DCDC2C: variants seen among roughly 807,000 people sequenced by gnomAD.
DCDC2C encodes the protein doublecortin domain containing 2C.
DCDC2C carries 44 observed loss-of-function variants against 45.0 expected under a neutral mutation model. That is an observed-to-expected ratio of 0.98 (90% CI 0.77 to 1.26). The LOEUF is 1.26. Ranked by LOEUF, DCDC2C falls within the 50% of genes most tolerant of loss-of-function variation. DCDC2C has a pLI of 0.00. For synonymous variants in DCDC2C, 187 were observed against 178.8 expected, an observed-to-expected ratio of 1.05 and a Z score of -0.37; for missense variants, 447 against 468.9, an observed-to-expected ratio of 0.95 and a Z score of 0.43.
chr2:3,725,538 A>G (rs12328224), intron 2 of DCDC2C, among the ~76,000 whole-genome samples: 3 of 132,688 alleles, frequency 2.3e-5, no homozygotes, highest in Admixed American at 7.8e-5. Flanking sequence ...AGACGAGCAG[A>G]GAGGGAGGAG....
At chr2:3,713,209 C>A (rs1349480152) in intron 2 of DCDC2C, among the ~76,000 whole-genome samples, 1 of 152,294 alleles carries the variant, frequency 6.6e-6, no homozygotes, top group Non-Finnish European at 1.5e-5. Context: ...TCAAAGACGT[C>A]ATCGTAGGAA....
At chr2:3,788,256 A>G (rs941040823) in intron 10 of DCDC2C, among the ~76,000 whole-genome samples, 1 of 152,266 alleles carries the variant, frequency 6.6e-6, no homozygotes, top group African/African-American at 2.4e-5. Flanking sequence ...TGTAAACTAC[A>G]ATCTTAAATC....
chr2:3,767,702 C>A, intron 6 of DCDC2C, 52 bp from the exon 7 acceptor site: 2 of 1,544,498 alleles, frequency 1.3e-6, no homozygotes, highest in Non-Finnish European at 1.7e-6. Context: ...TGATCGGACT[C>A]CTTGTATCCC....
At chr2:3,712,598 T>C (rs1249200203) in intron 2 of DCDC2C, among the ~76,000 whole-genome samples, 3 of 152,136 alleles carry the variant, frequency 2.0e-5, no homozygotes, top group Admixed American at 6.5e-5. Flanking sequence ...ATTGCACAAC[T>C]GCACTCCAGC....
chr2:3,832,864 A>C (rs1175801078), intron 10 of DCDC2C, among the ~76,000 whole-genome samples: 2 of 152,192 alleles, frequency 1.3e-5, no homozygotes, highest in Non-Finnish European at 2.9e-5. Context: ...TGCTTTTATT[A>C]ATTTCCAATG....
intron 2 of DCDC2C, among the ~76,000 whole-genome samples, chr2:3,721,651 C>T (rs931152364): frequency 6.6e-6 from 1 of 152,278 alleles, no homozygotes; most frequent in Non-Finnish European, 1.5e-5. Context: ...TTCCCATGTG[C>T]CGTGGGAAGA....
rs1671601965 is a variant in DCDC2C at position 3,818,260 on chromosome 2, T to C, written c.1066-28894T>C. Among the ~76,000 whole-genome samples, 1 of 152,192 alleles carries C rather than the reference T, an allele frequency of 6.6e-6. No individual in the cohort carries two copies. Among genetic ancestry groups the C allele is most frequent in the South Asian group, 2.1e-4 (1 of 4,826 alleles). On this transcript the variant is annotated intron_variant, in intron 10 of 10. Coordinates refer to ENST00000399143, the MANE Select transcript of DCDC2C (RefSeq NM_001287444.2). This position sits in a 1 kb window ranked among gnomAD's most constrained non-coding sequence, Gnocchi z 4.7. ...AGTAATGAGGGCTGTCCATGAAGCC[T>C]TGTGGCAGTACAGCCCAGGTAATTT... is the stretch of plus-strand genomic sequence containing the variant.
chr2:3,769,286 G>A, intron 7 of DCDC2C, 25 bp from the exon 8 acceptor site: 1 of 1,544,796 alleles, frequency 6.5e-7, no homozygotes, highest in Non-Finnish European at 8.8e-7. Context: ...GGTTTCAAAA[G>A]TTTGTCTGTG....
intron 10 of DCDC2C, among the ~76,000 whole-genome samples, chr2:3,835,270 G>A (rs1007541218): frequency 2.6e-5 from 4 of 152,198 alleles, no homozygotes; most frequent in African/African-American, 9.7e-5. Flanking sequence ...CACTCGTGGT[G>A]TTCTTGAGTC....
chr2:3,795,747 A>C (rs1399786776), intron 10 of DCDC2C, among the ~76,000 whole-genome samples: 2 of 119,976 alleles, frequency 1.7e-5, no homozygotes, highest in Non-Finnish European at 3.4e-5. Flanking sequence ...TGGTACCAGT[A>C]CCATGCTGTT....
At chr2:3,717,209 A>G (rs1048588123) in intron 2 of DCDC2C, among the ~76,000 whole-genome samples, 1 of 151,976 alleles carries the variant, frequency 6.6e-6, no homozygotes, top group African/African-American at 2.4e-5. Flanking sequence ...ATAATCATCC[A>G]TGTGCCAAAG....
At position 3,767,060 on chromosome 2, in the gene DCDC2C, C is replaced by T. The variant is rs536546526; in HGVS notation, c.727-694C>T. ...TCCAGGCCAACGTAAGTGTTGCGAG[C>T]GTGTTTAAGGTAGGGCTGCGCCATG... On this transcript the variant is annotated intron_variant, in intron 6 of 10. Transcript: ENST00000399143. Among the ~76,000 whole-genome samples the T allele has an allele frequency of 7.2e-5, 11 of 152,306 alleles. No homozygotes were observed. In the East Asian group the frequency reaches 9.7e-4, roughly 13 times the overall value.
chr2:3,769,848 G>A (rs1215228201), intron 8 of DCDC2C, among the ~76,000 whole-genome samples: 2 of 152,230 alleles, frequency 1.3e-5, no homozygotes, highest in Admixed American at 6.5e-5. Flanking sequence ...CAGATGGCAT[G>A]ATTATGAAAC....
At chr2:3,813,858 T>G (rs1271121975) in intron 10 of DCDC2C, among the ~76,000 whole-genome samples, 2 of 152,000 alleles carry the variant, frequency 1.3e-5, no homozygotes, top group Non-Finnish European at 2.9e-5. Context: ...GAGTCTTGAC[T>G]CTTTATCCAA....
rs1224648123 is a variant in DCDC2C, at chr2:3,752,799, A to G, written c.582A>G (p.Ser194=). The change falls in exon 5 of 11, where the codon TCA becomes TCG. Residue 194 remains serine (S), a synonymous_variant. Coordinates refer to ENST00000399143, the MANE Select transcript of DCDC2C (RefSeq NM_001287444.2). ...TGAATGGGCATCTTTTGGGCGACTC[A>G]AAGGATTTGCAAGACAATCACTTTT... The part of the protein sequence containing the change: ...FTMNGHLLGD[S]KDLQDNHFYV... 1 of 1,550,366 alleles carries G rather than the reference A, an allele frequency of 6.5e-7. No homozygotes were observed. The highest frequency in any genetic ancestry group is 8.7e-7 in the Non-Finnish European group (1 of 1,146,918).
chr2:3,762,116 G>A (rs1669894157), intron 6 of DCDC2C, among the ~76,000 whole-genome samples: 1 of 148,888 alleles, frequency 6.7e-6, no homozygotes, highest in East Asian at 2.0e-4. Flanking sequence ...ATGCTTCCTT[G>A]TGAAAGCCAT....
chr2:3,744,644 TG>T (rs1032830538), intron 4 of DCDC2C, among the ~76,000 whole-genome samples: 1 of 152,230 alleles, frequency 6.6e-6, no homozygotes, highest in African/African-American at 2.4e-5. Flanking sequence ...CTTATGCTTT[TG>T]TCAGTTAACT....
intron 10 of DCDC2C, among the ~76,000 whole-genome samples, chr2:3,830,307 T>A (rs1230726778): frequency 6.6e-6 from 1 of 152,180 alleles, no homozygotes; most frequent in Non-Finnish European, 1.5e-5. Flanking sequence ...TGGAGGTTTT[T>A]TTTTTTGTTC....
chr2:3,752,281 A>G (rs749999648), intron 4 of DCDC2C, among the ~76,000 whole-genome samples: 75 of 152,358 alleles, frequency 4.9e-4, no homozygotes, highest in Middle Eastern at 3.4e-3. Context: ...AGTTAATTGT[A>G]TCATTTCTTA....
Sources: gnomAD v4.1 joint callset for allele counts (sites outside exome capture counted in the v4.1 genomes callset) on GRCh38, gnomAD v4.1.1 for gene constraint, Gnocchi (gnomAD v3.1) non-coding constraint, MANE v1.5 for transcripts, NCBI Gene and HGNC (gene_info 2026-07-23, HGNC 2026-07-21) for gene names.